Variants in ZNF620 observed in about 807,000 individuals in gnomAD.
ZNF620 encodes zinc finger protein 620.
In ZNF620, 10 loss-of-function variants were observed where a neutral mutation model predicts 13.3. The observed-to-expected ratio is 0.75, with a 90% CI of 0.46 to 1.28. The LOEUF is 1.28. Ranked by LOEUF, ZNF620 falls within the 50% of genes most tolerant of loss-of-function variation. ZNF620 has a pLI of 0.00. For missense variants in ZNF620, 461 were observed against 500.2 expected, an observed-to-expected ratio of 0.92 and a Z score of 0.75; for synonymous variants, 166 against 177.6, an observed-to-expected ratio of 0.93 and a Z score of 0.52.
At chr3:40,512,642 A>G (rs1207803753) in intron 4 of ZNF620, 127 bp downstream of exon 4, 5 of 671,612 alleles carry the variant, frequency 7.4e-6, no homozygotes, top group Non-Finnish European at 1.2e-5. Flanking sequence ...ATTACATGTG[A>G]TTCTCTGAGT....
intron 2 of ZNF620, among the ~76,000 whole-genome samples, chr3:40,510,847 T>A (rs1575288777): frequency 6.6e-6 from 1 of 152,090 alleles, no homozygotes; most frequent in South Asian, 2.1e-4. Context: ...CTCCCCGAGC[T>A]CAGGTGATCC....
At position 40,512,413 on chromosome 3, in the gene ZNF620, A is replaced by C. The variant is rs779976616; in HGVS notation, c.163A>C (p.Thr55Pro). The change falls in exon 4 of 5, where the codon ACC becomes CCC. Residue 55 changes from threonine (T) to proline (P), a missense_variant. Coordinates refer to ENST00000314529, the MANE Select transcript of ZNF620 (RefSeq NM_175888.4). Reference protein sequence around the residue: ...ANVASLAFPFTTPVLVSQLEQ... With the variant: ...ANVASLAFPFPTPVLVSQLEQ... Reference sequence around the variant, plus strand: ...TTCTCCCTGGGCAGCATTCCCATTCACCACGCCTGTTCTGGTCTCCCAGCT... The same window carrying C: ...TTCTCCCTGGGCAGCATTCCCATTCCCCACGCCTGTTCTGGTCTCCCAGCT... 10 of 1,613,850 alleles carry C rather than the reference A, an allele frequency of 6.2e-6. No individual in the cohort carries two copies. In the South Asian group the frequency reaches 1.1e-4, roughly 18 times the overall value.
In ZNF620 at chr3:40,510,201, C is replaced by T. The variant is rs1698151176; in HGVS notation, c.25-1269C>T. Among the ~76,000 whole-genome samples the T allele has an allele frequency of 2.6e-5, 4 of 151,898 alleles. No individual in the cohort carries two copies. In the South Asian group the frequency reaches 8.3e-4, roughly 32 times the overall value. ...CTAATTTTTGCATATTTTGTAGAGA[C>T]GGGGTTTCACCATGTTGCCCAGGCT... On this transcript the variant is annotated intron_variant, in intron 2 of 4. Coordinates refer to ENST00000314529, the MANE Select transcript of ZNF620 (RefSeq NM_175888.4).
At chr3:40,506,452 C>T in intron 2 of ZNF620, 76 bp downstream of exon 2, 2 of 1,330,744 alleles carry the variant, frequency 1.5e-6, no homozygotes, top group Non-Finnish European at 2.0e-6. Flanking sequence ...GCATTCAGAT[C>T]TTGAGTTGTG....
intron 3 of ZNF620, among the ~76,000 whole-genome samples, chr3:40,511,992 G>T (rs554812015): frequency 4.6e-5 from 7 of 152,236 alleles, no homozygotes; most frequent in African/African-American, 1.4e-4. Context: ...GGAGAACTTT[G>T]TGGGGTTTCT....
rs536943860 is a variant in ZNF620, at chr3:40,516,129, G to A, written c.535G>A (p.Val179Ile). 52 of 1,614,028 alleles carry A rather than the reference G, an allele frequency of 3.2e-5. 1 individual carries two copies. The South Asian group carries it at 4.6e-4, about 14-fold the overall frequency. Reference protein sequence around the residue: ...KFEKLGKNISVSTQLTTNQTN... With the variant: ...KFEKLGKNISISTQLTTNQTN... ...TGAGAAATTAGGAAAAAATATTAGCGTCAGCACACAACTCACTACAAATCA... is the reference window on the plus strand; with the variant it reads ...TGAGAAATTAGGAAAAAATATTAGCATCAGCACACAACTCACTACAAATCA... The change falls in exon 5 of 5, where the codon GTC (valine) becomes ATC (isoleucine). Residue 179 changes from valine to isoleucine, a missense_variant. Val to Ile is a conservative substitution (Grantham distance 29, BLOSUM62 3). Transcript: ENST00000314529.
chr3:40,513,025 T>C (rs1698246789), intron 4 of ZNF620, among the ~76,000 whole-genome samples: 1 of 152,100 alleles, frequency 6.6e-6, no homozygotes, highest in Non-Finnish European at 1.5e-5. Flanking sequence ...GCACTCCATG[T>C]ATCCTTCATC....
At chr3:40,506,201 G>A in intron 1 of ZNF620, 63 bp downstream of exon 1, 2 of 951,796 alleles carry the variant, frequency 2.1e-6, no homozygotes, top group Non-Finnish European at 3.3e-6. Context: ...GCTTTTTGGG[G>A]TGAGGAGTTG....
In ZNF620 at chr3:40,508,738, A is replaced by G; in HGVS notation, c.24+2362A>G. The G allele has an allele frequency of 4.4e-6, 2 of 456,112 alleles. 1 individual carries two copies. Among genetic ancestry groups the G allele is most frequent in the South Asian group, 3.1e-5 (2 of 64,544 alleles). The allele number at this position is 456,112 out of a possible 1,614,324, so 28.3% of individuals were successfully genotyped here. A position where few individuals can be genotyped will look rare whatever the true frequency, so the allele number is the denominator to read the frequency against. On this transcript the variant is annotated intron_variant, in intron 2 of 4. Coordinates refer to ENST00000314529, the MANE Select transcript of ZNF620 (RefSeq NM_175888.4). ...AGCCTCCACCTCCCAGGCCTAAGTG[A>G]TCCTCCCAAGGAGTTGAGACTAAGT...
Position 40,511,553 on chromosome 3 carries a change from C to G in ZNF620, c.108C>G (p.Tyr36Ter). 1.2e-6 allele frequency: 2 copies of G among 1,613,506 alleles called. No individual in the cohort carries two copies. The highest frequency in any genetic ancestry group is 1.7e-6 in the Non-Finnish European group (2 of 1,179,796). Residue 36 changes from tyrosine (Y) to a stop codon, truncating the protein, a stop_gained, in exon 3 of 5, where the codon TAC becomes TAG. Coordinates refer to ENST00000314529, the MANE Select transcript of ZNF620 (RefSeq NM_175888.4). LOFTEE classifies it high-confidence loss of function. ...ASLDSVQRAL[Y>*]REVMLENYAN... is the part of the protein sequence containing the mutation. ...TGGACTCTGTGCAGAGGGCCCTGTACAGGGAAGTGATGCTGGAGAATTATG... is the reference window on the plus strand; with the variant it reads ...TGGACTCTGTGCAGAGGGCCCTGTAGAGGGAAGTGATGCTGGAGAATTATG...
In ZNF620 at chr3:40,513,314, AAAATATATATATAT is replaced by A. The variant is rs1440409663; in HGVS notation, c.265+801_265+814del. On this transcript the variant is annotated intron_variant, in intron 4 of 4. Coordinates refer to ENST00000314529, the MANE Select transcript of ZNF620 (RefSeq NM_175888.4). ...ACCCCGTCTCAACTAAAAAAAAAAA[AAAATATATATATAT>A]ATATATATATATATATATATATATA... Among the ~76,000 whole-genome samples, 19 of 67,878 alleles carry A rather than the reference AAAATATATATATAT, an allele frequency of 2.8e-4. 2 individuals carry two copies. Among genetic ancestry groups the A allele is most frequent in the Admixed American group, 2.3e-3 (16 of 6,832 alleles). 44.5% of individuals were successfully genotyped at this position (67,878 alleles called of 152,430 possible).
rs1178702918 is a variant in ZNF620 at position 40,518,012 on chromosome 3, C to G, written c.*1149C>G. The G allele has an allele frequency of 6.6e-6, 1 of 152,252 alleles. No homozygotes were observed. Among genetic ancestry groups the G allele is most frequent in the Non-Finnish European group, 1.5e-5 (1 of 68,034 alleles). 9.4% of individuals were successfully genotyped at this position (152,252 alleles called of 1,614,324 possible). On this transcript the variant is annotated 3_prime_UTR_variant, in exon 5 of 5. Transcript: ENST00000314529. ...CTTTGCAAAAGTCAGGATGTATATACTCTTTGAGTCAGGTGCAAGGCACCA... is the reference window on the plus strand; with the variant it reads ...CTTTGCAAAAGTCAGGATGTATATAGTCTTTGAGTCAGGTGCAAGGCACCA...
At position 40,516,056 on chromosome 3, in the gene ZNF620, C is replaced by T. The variant is rs148212912; in HGVS notation, c.462C>T (p.Thr154=). ...CAAAGAGGAGACATTTCACAGATAC[C>T]TCAGCCAGGCACCATGAGGCCTATG... is the stretch of plus-strand genomic sequence containing the variant. ...TKSKRRHFTD[T]SARHHEAYEV... The change falls in exon 5 of 5, where the codon ACC becomes ACT. Residue 154 remains threonine, a synonymous_variant. Transcript: ENST00000314529. The T allele has an allele frequency of 1.2e-4, 196 of 1,614,076 alleles. 1 individual carries two copies. The highest frequency in any genetic ancestry group is 1.6e-4 in the Non-Finnish European group (185 of 1,179,988).
Position 40,517,936 on chromosome 3 carries a change from C to T in ZNF620, c.*1073C>T, listed in dbSNP as rs886195258. On this transcript the variant is annotated 3_prime_UTR_variant, in exon 5 of 5. Transcript: ENST00000314529. ...GACCTATCTCAGGTTCAGTGTCCAC[C>T]CACCCTACTTATTCTTCAGTTTGTC... is the stretch of plus-strand genomic sequence containing the variant. 8 of 152,182 alleles carry T rather than the reference C, an allele frequency of 5.3e-5. No homozygotes were observed. Among genetic ancestry groups the T allele is most frequent in the Admixed American group, 4.6e-4 (7 of 15,268 alleles). 9.4% of individuals were successfully genotyped at this position (152,182 alleles called of 1,614,324 possible). A position where few individuals can be genotyped will look rare whatever the true frequency, so the allele number is the denominator to read the frequency against.
In ZNF620 at chr3:40,517,397, A is replaced by T. The variant is rs2125666860; in HGVS notation, c.*534A>T. 1 of 151,786 alleles carries T rather than the reference A, an allele frequency of 6.6e-6. No homozygotes were observed. Among genetic ancestry groups the T allele is most frequent in the East Asian group, 1.9e-4 (1 of 5,156 alleles). 9.4% of individuals were successfully genotyped at this position (151,786 alleles called of 1,614,324 possible). ...CTCTCCTGAAAAAAAAAAACACAAA[A>T]ATTAGCCAGGCATGGTGGCGCATGC... On this transcript the variant is annotated 3_prime_UTR_variant, in exon 5 of 5. Coordinates refer to ENST00000314529, the MANE Select transcript of ZNF620 (RefSeq NM_175888.4).
intron 2 of ZNF620, chr3:40,508,851 C>A: frequency 2.2e-6 from 1 of 452,818 alleles, no homozygotes. Context: ...CTCCTAGATG[C>A]AAGCCATCCT....
Position 40,510,385 on chromosome 3 carries a change from T to C in ZNF620, c.25-1085T>C, listed in dbSNP as rs192461546. Among the ~76,000 whole-genome samples the C allele has an allele frequency of 1.8e-3, 274 of 152,340 alleles. 1 individual carries two copies. Among genetic ancestry groups the C allele is most frequent in the African/African-American group, 6.4e-3 (264 of 41,572 alleles). On this transcript the variant is annotated intron_variant, in intron 2 of 4. Transcript: ENST00000314529. ...CTCGACTTCCCAGTCTTCGTGTGTG[T>C]TGTTTTTCCTTCTCTGAAAGCCTGT...
At chr3:40,510,489 TA>T (rs1191946604) in intron 2 of ZNF620, among the ~76,000 whole-genome samples, 3 of 151,798 alleles carry the variant, frequency 2.0e-5, no homozygotes, top group African/African-American at 7.3e-5. Context: ...TTCATTGTCC[TA>T]AATACTTTGT....
rs35195234 is a variant in ZNF620 at position 40,517,379 on chromosome 3, G to GA, written c.*527dup. 0.1 allele frequency: 14,837 copies of GA among 143,178 alleles called. 1,819 individuals are homozygous for GA. The highest frequency in any genetic ancestry group is 0.3 in the African/African-American group (11,663 of 39,446). 8.9% of individuals were successfully genotyped at this position (143,178 alleles called of 1,614,324 possible). On this transcript the variant is annotated 3_prime_UTR_variant, in exon 5 of 5. Transcript: ENST00000314529. ...AATATGGTGAAACCCCGTCTCTCCT[G>GA]AAAAAAAAAAACACAAAAATTAGCC...
Sources: allele counts gnomAD v4.1 joint callset (sites outside exome capture counted in the v4.1 genomes callset), GRCh38; gene constraint gnomAD v4.1.1; transcripts MANE v1.5; gene names NCBI Gene and HGNC (gene_info 2026-07-23, HGNC 2026-07-21).